The following GPR78 variants were observed in gnomAD, a reference collection of about 807,000 sequenced individuals.
The protein encoded by GPR78 is G protein-coupled receptor 78.
A neutral mutation model predicts 17.9 loss-of-function variants in GPR78; 29 were observed. That is an observed-to-expected ratio of 1.62 (90% CI 1.20 to 2.21). GPR78 has a LOEUF of 2.21. Among genes scored for constraint, GPR78 ranks in the 30% most tolerant of loss-of-function variants. GPR78 has a pLI of 0.00. For missense variants in GPR78, 649 were observed against 530.5 expected (o/e 1.22, Z -2.19); for synonymous variants, 349 against 256.9 (o/e 1.36, Z -3.43).
At chr4:8,582,811 G>T in intron 2 of GPR78, 167 bp downstream of exon 2, 1 of 596,830 alleles carries the variant, frequency 1.7e-6, no homozygotes, top group South Asian at 2.0e-5. Flanking sequence ...TCCTGGGAAA[G>T]ATCCTGGGAG....
chr4:8,582,386 C>T, intron 1 of GPR78, 145 bp from the exon 2 acceptor site: 1 of 587,794 alleles, frequency 1.7e-6, no homozygotes, highest in Non-Finnish European at 3.0e-6. Flanking sequence ...CTTTCTCTCT[C>T]CCCCATCCCT....
In GPR78 at chr4:8,581,444, G is replaced by A. The variant is rs1713279883; in HGVS notation, c.462G>A (p.Ala154=). ...CSWLGYSSAF[A]SCSLRLPPEP... The stretch of plus-strand genomic sequence containing the variant: ...GGCTTGGCTACAGCAGCGCCTTCGC[G>A]TCCTGTTCGCTGCGCCTGCCGCCCG... Residue 154 remains alanine (A), a synonymous_variant, in exon 1 of 3, where the codon GCG becomes GCA. Transcript: ENST00000382487. The A allele has an allele frequency of 2.5e-6, 4 of 1,591,028 alleles. No individual in the cohort carries two copies. The highest frequency in any genetic ancestry group is 3.4e-6 in the Non-Finnish European group (4 of 1,176,528).
chr4:8,582,686 G>A, intron 2 of GPR78, 42 bp downstream of exon 2: 2 of 1,383,770 alleles, frequency 1.4e-6, no homozygotes, highest in Non-Finnish European at 2.1e-6. Context: ...GAACAGCTGG[G>A]TGGGCTTGGC....
In GPR78 at chr4:8,588,960, A is replaced by G. The variant is rs1270870243; in HGVS notation, c.*1597A>G. On this transcript the variant is annotated 3_prime_UTR_variant, in exon 3 of 3. Transcript: ENST00000382487. ...CAGCTCACTGCAGCCTCCACCTCCC[A>G]TGCTCAAGCCATCCTCCCACCTCAG... Among the ~76,000 whole-genome samples the G allele has an allele frequency of 1.3e-5, 2 of 152,166 alleles. No homozygotes were observed. The highest frequency in any genetic ancestry group is 4.8e-5 in the African/African-American group (2 of 41,444).
At position 8,589,265 on chromosome 4, in the gene GPR78, A is replaced by T. The variant is rs1354172655; in HGVS notation, c.*1902A>T. Among the ~76,000 whole-genome samples, 3 of 121,130 alleles carry T rather than the reference A, an allele frequency of 2.5e-5. No homozygotes were observed. In the South Asian group the frequency reaches 8.6e-4, roughly 35 times the overall value. The allele number at this position is 121,130 out of a possible 152,430, so 79.5% of individuals were successfully genotyped here. A position where few individuals can be genotyped will look rare whatever the true frequency, so the allele number is the denominator to read the frequency against. On this transcript the variant is annotated 3_prime_UTR_variant, in exon 3 of 3. Coordinates refer to ENST00000382487, the MANE Select transcript of GPR78 (RefSeq NM_080819.5). Reference sequence around the variant, plus strand: ...CCATGAAGTGTAATTCAAATAAAACAAATTATCGTTTGGAATAATAACAAC... The same window carrying T: ...CCATGAAGTGTAATTCAAATAAAACTAATTATCGTTTGGAATAATAACAAC...
At chr4:8,583,453 A>G (rs1014035264) in intron 2 of GPR78, among the ~76,000 whole-genome samples, 1 of 152,128 alleles carries the variant, frequency 6.6e-6, no homozygotes, top group Non-Finnish European at 1.5e-5. Flanking sequence ...CTATGTGTTG[A>G]GCCATAGCAG....
intron 2 of GPR78, among the ~76,000 whole-genome samples, chr4:8,584,683 C>A (rs1377669124): frequency 6.6e-6 from 1 of 152,198 alleles, no homozygotes. Flanking sequence ...TTTGGACGGA[C>A]CTGCCTCACA....
chr4:8,581,135 C>CCA lies in GPR78; in HGVS notation c.155_156dup (p.Leu53ThrfsTer16). ...TCCTCCTGGTGAATCTGTCTCTGGG[C>CCA]CACCTGCTGCTGGCGGCGCTGGACA... On this transcript the variant is annotated frameshift_variant, in exon 1 of 3. Coordinates refer to ENST00000382487, the MANE Select transcript of GPR78 (RefSeq NM_080819.5). LOFTEE classifies it high-confidence loss of function. 6.2e-7 allele frequency: 1 copy of CCA among 1,604,930 alleles called. No homozygotes were observed. Among genetic ancestry groups the CCA allele is most frequent in the Non-Finnish European group, 8.5e-7 (1 of 1,179,758 alleles).
intron 2 of GPR78, among the ~76,000 whole-genome samples, chr4:8,584,370 G>A (rs1413890930): frequency 6.6e-6 from 1 of 152,226 alleles, no homozygotes; most frequent in African/African-American, 2.4e-5. Context: ...CCTTTGCAGT[G>A]TTGTTTCCAC....
At chr4:8,584,840 G>T (rs35335006) in intron 2 of GPR78, among the ~76,000 whole-genome samples, 60,983 of 152,160 alleles carry the variant, frequency 0.4, 13,138 homozygotes, top group Middle Eastern at 0.51. Flanking sequence ...AAAAGGTAGT[G>T]CACTCATTCC....
Position 8,580,871 on chromosome 4 carries a change from C to A in GPR78, c.-112C>A. The A allele has an allele frequency of 9.3e-7, 1 of 1,073,138 alleles. No homozygotes were observed. The highest frequency in any genetic ancestry group is 1.3e-6 in the Non-Finnish European group (1 of 768,986). The allele number at this position is 1,073,138 out of a possible 1,614,324, so 66.5% of individuals were successfully genotyped here. On this transcript the variant is annotated 5_prime_UTR_variant, in exon 1 of 3. Coordinates refer to ENST00000382487, the MANE Select transcript of GPR78 (RefSeq NM_080819.5). ...TGGACCTTGCTAGCCGGCTCTGCAC[C>A]TCCCAGAAGCCGTGGGCGCGCCGCT...
chr4:8,582,418 C>A, intron 1 of GPR78, 113 bp from the exon 2 acceptor site: 1 of 688,130 alleles, frequency 1.5e-6, no homozygotes, highest in South Asian at 1.7e-5. Context: ...AGGTTCCAGG[C>A]TAAACATCCT....
In GPR78 at chr4:8,581,234, C is replaced by A; in HGVS notation, c.252C>A (p.Phe84Leu). The change falls in exon 1 of 3, where the codon TTC (phenylalanine) becomes TTA (leucine). Residue 84 changes from phenylalanine to leucine, a missense_variant. Physicochemically the swap from Phe to Leu is conservative, Grantham distance 22. Transcript: ENST00000382487. ...SAPGACQVIG[F>L]LDTFLASNAA... ...CCGGCGCATGCCAAGTCATTGGCTTCCTGGACACCTTCCTGGCGTCCAACG... is the reference window on the plus strand; with the variant it reads ...CCGGCGCATGCCAAGTCATTGGCTTACTGGACACCTTCCTGGCGTCCAACG... The A allele has an allele frequency of 1.3e-6, 2 of 1,596,236 alleles. No individual in the cohort carries two copies. Among genetic ancestry groups the A allele is most frequent in the South Asian group, 1.1e-5 (1 of 89,682 alleles).
chr4:8,587,258 G>T lies in GPR78; in HGVS notation c.987G>T (p.Val329=). 1 of 1,607,544 alleles carries T rather than the reference G, an allele frequency of 6.2e-7. No individual in the cohort carries two copies. The highest frequency in any genetic ancestry group is 8.5e-7 in the Non-Finnish European group (1 of 1,175,642). The change falls in exon 3 of 3, where the codon GTG becomes GTT. Residue 329 remains valine, a synonymous_variant. Coordinates refer to ENST00000382487, the MANE Select transcript of GPR78 (RefSeq NM_080819.5). The part of the protein sequence containing the change: ...PASTHDSSLD[V]AGMVHQLLKR... ...CCACCCATGACAGCTCTCTGGATGT[G>T]GCCGGCATGGTGCACCAGCTGCTGA... is the stretch of plus-strand genomic sequence containing the variant.
rs1400089493 is a variant in GPR78, at chr4:8,589,297, T to C, written c.*1934T>C. 3.3e-5 allele frequency among the ~76,000 whole-genome samples: 5 copies of C among 151,962 alleles called. No individual in the cohort carries two copies. The highest frequency in any genetic ancestry group is 7.4e-5 in the Non-Finnish European group (5 of 68,008). ...CGTTTGGAATAATAACAACTATAGG[T>C]ATGTGGTCAGGAAGCAGTTAAAAAC... is the stretch of plus-strand genomic sequence containing the variant. On this transcript the variant is annotated 3_prime_UTR_variant, in exon 3 of 3. Coordinates refer to ENST00000382487, the MANE Select transcript of GPR78 (RefSeq NM_080819.5).
Position 8,588,364 on chromosome 4 carries a change from C to T in GPR78, c.*1001C>T, listed in dbSNP as rs989991275. Reference sequence around the variant, plus strand: ...TTAGTAATCACGGGGTGCCATTCCCCGGTGGGAGCACCCACCATCAATGTC... The same window carrying T: ...TTAGTAATCACGGGGTGCCATTCCCTGGTGGGAGCACCCACCATCAATGTC... On this transcript the variant is annotated 3_prime_UTR_variant, in exon 3 of 3. Transcript: ENST00000382487. 2.0e-5 allele frequency among the ~76,000 whole-genome samples: 3 copies of T among 152,332 alleles called. No homozygotes were observed. The highest frequency in any genetic ancestry group is 1.9e-4 in the East Asian group (1 of 5,170).
In GPR78 at chr4:8,582,662, G is replaced by A. The variant is rs750624516; in HGVS notation, c.782+18G>A. 51 of 1,526,040 alleles carry A rather than the reference G, an allele frequency of 3.3e-5. No homozygotes were observed. Among genetic ancestry groups the A allele is most frequent in the African/African-American group, 4.1e-5 (3 of 73,204 alleles). The allele number at this position is 1,526,040 out of a possible 1,614,324, so 94.5% of individuals were successfully genotyped here. ...ATGACCAGGTGGGTCCTGGCAGTCC[G>A]GCTCCTGTTGTGGGAACAGCTGGGT... On this transcript the variant is annotated intron_variant, in intron 2 of 2. Coordinates refer to ENST00000382487, the MANE Select transcript of GPR78 (RefSeq NM_080819.5).
In GPR78 at chr4:8,588,538, C is replaced by G. The variant is rs1416678778; in HGVS notation, c.*1175C>G. Among the ~76,000 whole-genome samples, 1 of 152,240 alleles carries G rather than the reference C, an allele frequency of 6.6e-6. No individual in the cohort carries two copies. Among genetic ancestry groups the G allele is most frequent in the East Asian group, 1.9e-4 (1 of 5,198 alleles). ...CGAGTGAATGAATGGACACGATTCT[C>G]TCTTCAGCCTCTGTCATTGCTGTTT... On this transcript the variant is annotated 3_prime_UTR_variant, in exon 3 of 3. Coordinates refer to ENST00000382487, the MANE Select transcript of GPR78 (RefSeq NM_080819.5).
intron 2 of GPR78, among the ~76,000 whole-genome samples, chr4:8,583,815 C>CGTGG (rs1195556632): frequency 2.0e-5 from 3 of 152,192 alleles, no homozygotes; most frequent in Admixed American, 2.0e-4. Flanking sequence ...AGAATCAGCA[C>CGTGG]GTGGGACAGG....
Sources: allele counts gnomAD v4.1 joint callset (sites outside exome capture counted in the v4.1 genomes callset), GRCh38; gene constraint gnomAD v4.1.1; transcripts MANE v1.5; gene names NCBI Gene and HGNC (gene_info 2026-07-23, HGNC 2026-07-21).